The following YAF2 variants were observed in gnomAD, a reference collection of about 807,000 sequenced individuals.
The protein encoded by YAF2 is YY1 associated factor 2.
In YAF2, 7 loss-of-function variants were observed where a neutral mutation model predicts 20.1. The observed-to-expected ratio is 0.35, with a 90% CI of 0.20 to 0.65. YAF2 has a LOEUF of 0.65. Ranked by LOEUF, YAF2 falls within the 30% of genes least tolerant of loss-of-function variation. The probability of loss-of-function intolerance (pLI) is 0.69; values close to 1 mark genes in which losing one functional copy is unlikely to be tolerated. For missense variants in YAF2, 151 were observed against 219.2 expected (o/e 0.69, Z 1.96); for synonymous variants, 74 against 76.0 (o/e 0.97, Z 0.14).
At chr12:42,215,328 T>C (rs988816800) in intron 2 of YAF2, among the ~76,000 whole-genome samples, 2 of 151,968 alleles carry the variant, frequency 1.3e-5, no homozygotes, top group African/African-American at 2.4e-5. Context: ...TCCAGCACTT[T>C]GGGAGGCTGA....
chr12:42,210,534 G>T, intron 2 of YAF2: 15 of 1,536,026 alleles, frequency 9.8e-6, no homozygotes, highest in Non-Finnish European at 1.1e-5. Context: ...ACATGCTTCA[G>T]TGCACTTGCT....
At position 42,157,134 on chromosome 12, in the gene YAF2, AT is replaced by A. The variant is rs758491199; in HGVS notation, c.*3454del. 5 of 152,118 alleles carry A rather than the reference AT, an allele frequency of 3.3e-5. No individual in the cohort carries two copies. Among genetic ancestry groups the A allele is most frequent in the Non-Finnish European group, 7.3e-5 (5 of 68,034 alleles). 9.4% of individuals were successfully genotyped at this position (152,118 alleles called of 1,614,324 possible). On this transcript the variant is annotated 3_prime_UTR_variant, in exon 4 of 4. Coordinates refer to ENST00000534854, the MANE Select transcript of YAF2 (RefSeq NM_005748.6). ...AAAGAAAACAGATTTATTTTGGCTT[AT>A]GAGTCCAAAGGCTGAGGAGTCCAAG... is the stretch of plus-strand genomic sequence containing the variant.
chr12:42,213,947 G>A (rs988200681), intron 2 of YAF2, among the ~76,000 whole-genome samples: 4 of 152,056 alleles, frequency 2.6e-5, no homozygotes, highest in South Asian at 2.1e-4. Flanking sequence ...GCATTAATAC[G>A]CCCCATTATC....
intron 2 of YAF2, among the ~76,000 whole-genome samples, chr12:42,169,676 G>A (rs2065996621): frequency 6.6e-6 from 1 of 152,052 alleles, no homozygotes; most frequent in Admixed American, 6.6e-5. Flanking sequence ...GCCTCCCAAA[G>A]TGCTGGGATT....
chr12:42,167,530 C>A (rs989900369), intron 2 of YAF2, among the ~76,000 whole-genome samples: 3 of 152,224 alleles, frequency 2.0e-5, no homozygotes, highest in African/African-American at 7.2e-5. Flanking sequence ...AAAAAGGACT[C>A]AAAAACTAAA....
At chr12:42,236,014 A>G in intron 2 of YAF2, 1 of 1,535,682 alleles carries the variant, frequency 6.5e-7, no homozygotes, top group South Asian at 1.2e-5. Context: ...ATAAACATAT[A>G]GGCTCTTCTA....
chr12:42,214,163 A>T (rs1344891934), intron 2 of YAF2, among the ~76,000 whole-genome samples: 2 of 152,236 alleles, frequency 1.3e-5, no homozygotes, highest in African/African-American at 4.8e-5. Flanking sequence ...CCTTCATCTG[A>T]TGCCACTCAC....
intron 2 of YAF2, among the ~76,000 whole-genome samples, chr12:42,225,351 A>G (rs1193177713): frequency 6.6e-6 from 1 of 152,116 alleles, no homozygotes; most frequent in Non-Finnish European, 1.5e-5. Flanking sequence ...GCTGTGCAGA[A>G]GCTCTTTAGT....
intron 2 of YAF2, among the ~76,000 whole-genome samples, chr12:42,218,185 AACACAC>A (rs71883885): frequency 0.2 from 27,485 of 140,568 alleles, 2,591 homozygotes; most frequent in Admixed American, 0.25. Context: ...GCTACTAGGA[AACACAC>A]ACACACACAC....
At chr12:42,226,400 T>A (rs1277508286) in intron 2 of YAF2, among the ~76,000 whole-genome samples, 2 of 152,214 alleles carry the variant, frequency 1.3e-5, no homozygotes, top group Non-Finnish European at 2.9e-5. Flanking sequence ...CAGTGGTTCA[T>A]GCCTGTAATC....
At chr12:42,238,104 G>T (rs1432893118) in intron 1 of YAF2, 51 bp downstream of exon 1, 2 of 1,431,890 alleles carry the variant, frequency 1.4e-6, no homozygotes, top group Non-Finnish European at 9.2e-7. Context: ...AGCCCTGCAC[G>T]AGGGCCCTGC....
At chr12:42,227,812 C>T (rs1182538455) in intron 2 of YAF2, among the ~76,000 whole-genome samples, 3 of 146,402 alleles carry the variant, frequency 2.0e-5, no homozygotes, top group Admixed American at 6.7e-5. Flanking sequence ...GTCAGCCCCC[C>T]GCCTGGCCAG....
intron 3 of YAF2, chr12:42,161,303 T>C (rs763274735): frequency 1.9e-5 from 5 of 266,586 alleles, no homozygotes; most frequent in Non-Finnish European, 3.5e-5. Flanking sequence ...CTGTTCGGTA[T>C]GTTGAAAACC....
At chr12:42,235,953 C>T in intron 2 of YAF2, 1 of 1,536,140 alleles carries the variant, frequency 6.5e-7, no homozygotes, top group Non-Finnish European at 8.7e-7. Flanking sequence ...AACCCCAAGA[C>T]TGGCTGTGGA....
At chr12:42,161,884 T>C in intron 2 of YAF2, 119 bp from the exon 3 acceptor site, 1 of 915,754 alleles carries the variant, frequency 1.1e-6, no homozygotes, top group Non-Finnish European at 1.6e-6. Context: ...AGTATAAAAA[T>C]TCCTCATATG....
intron 2 of YAF2, among the ~76,000 whole-genome samples, chr12:42,193,087 G>T (rs1353942523): frequency 1.3e-5 from 2 of 152,114 alleles, no homozygotes; most frequent in Admixed American, 6.5e-5. Flanking sequence ...GCCGAGGGGG[G>T]GCAGATCACT....
In YAF2 at chr12:42,210,609, A is replaced by C. The variant is rs200164207; in HGVS notation, c.152+26990T>G. ...CTCGAGGCACTCACAATAACTTCAA[A>C]CAATGTGGATCTGTGGAGATTACCC... On this transcript the variant is annotated intron_variant, in intron 2 of 3. Coordinates refer to ENST00000534854, the MANE Select transcript of YAF2 (RefSeq NM_005748.6). 2.1e-4 allele frequency: 323 copies of C among 1,535,982 alleles called. 2 individuals carry two copies. The highest frequency in any genetic ancestry group is 4.6e-5 in the Non-Finnish European group (53 of 1,146,914).
chr12:42,226,622 C>T (rs1397592327), intron 2 of YAF2, among the ~76,000 whole-genome samples: 1 of 152,114 alleles, frequency 6.6e-6, no homozygotes, highest in East Asian at 1.9e-4. Context: ...TATATCCACA[C>T]CACTGCACTC....
intron 2 of YAF2, among the ~76,000 whole-genome samples, chr12:42,187,595 ATT>A (rs1303302590): frequency 1.9e-4 from 29 of 152,338 alleles, no homozygotes; most frequent in Admixed American, 7.2e-4. Context: ...GATTGCCTGA[ATT>A]CAAATCCTAC....
Sources: allele counts gnomAD v4.1 joint callset (sites outside exome capture counted in the v4.1 genomes callset), GRCh38; gene constraint gnomAD v4.1.1; transcripts MANE v1.5; gene names NCBI Gene and HGNC (gene_info 2026-07-23, HGNC 2026-07-21).